The following RORB variants were observed in gnomAD, a reference collection of about 807,000 sequenced individuals.
RORB encodes nuclear receptor ROR-beta.
A neutral mutation model predicts 59.1 loss-of-function variants in RORB; 6 were observed. That is an observed-to-expected ratio of 0.10 (90% confidence interval 0.06 to 0.20). RORB has a LOEUF of 0.20. Ranked by LOEUF, RORB falls within the 10% of genes least tolerant of loss-of-function variation. The pLI, the probability that RORB is intolerant of heterozygous loss-of-function variation, is 1.00. For missense variants in RORB, 320 were observed against 560.5 expected, an observed-to-expected ratio of 0.57 and a Z score of 4.33; for synonymous variants, 215 against 204.5, an observed-to-expected ratio of 1.05 and a Z score of -0.44.
intron 4 of RORB, among the ~76,000 whole-genome samples, chr9:74,651,377 A>C (rs1323549740): frequency 2.0e-5 from 3 of 152,140 alleles, no homozygotes; most frequent in Non-Finnish European, 4.4e-5. Context: ...TCCACTAAAA[A>C]TACAAAAATT....
intron 1 of RORB, among the ~76,000 whole-genome samples, chr9:74,542,199 A>C (rs983990988): frequency 6.6e-6 from 1 of 152,222 alleles, no homozygotes; most frequent in African/African-American, 2.4e-5. Flanking sequence ...TGAAACACAG[A>C]CAGAAAATCT....
intron 4 of RORB, among the ~76,000 whole-genome samples, chr9:74,644,310 A>G (rs1310527825): frequency 1.3e-5 from 2 of 152,250 alleles, no homozygotes; most frequent in African/African-American, 4.8e-5. Flanking sequence ...AAAAAAAGAA[A>G]CATCAACTAA....
intron 1 of RORB, among the ~76,000 whole-genome samples, chr9:74,611,105 G>A (rs753107361): frequency 5.2e-4 from 79 of 152,108 alleles, no homozygotes; most frequent in Non-Finnish European, 5.7e-4. Context: ...TACTAGGGAC[G>A]GTTGTAAGCA....
intron 1 of RORB, among the ~76,000 whole-genome samples, chr9:74,607,190 G>C (rs1314386660): frequency 6.6e-6 from 1 of 152,218 alleles, no homozygotes; most frequent in Non-Finnish European, 1.5e-5. Context: ...TCACATATGG[G>C]CTTCTGAAGG....
chr9:74,611,582 C>T (rs1308996827), intron 1 of RORB, among the ~76,000 whole-genome samples: 2 of 152,280 alleles, frequency 1.3e-5, no homozygotes, highest in Admixed American at 6.5e-5. Flanking sequence ...CCTATATGGT[C>T]CCCCAGTGTT....
At chr9:74,502,200 C>T (rs1322266428) in intron 1 of RORB, among the ~76,000 whole-genome samples, 1 of 152,160 alleles carries the variant, frequency 6.6e-6, no homozygotes, top group East Asian at 1.9e-4. Context: ...TTAAGTGTTT[C>T]CAAGCCATGA....
chr9:74,519,941 T>G (rs1023733847), intron 1 of RORB, among the ~76,000 whole-genome samples: 1 of 151,878 alleles, frequency 6.6e-6, no homozygotes, highest in African/African-American at 2.4e-5. Flanking sequence ...CTTCATTAAC[T>G]ACATATCAAT....
At chr9:74,522,209 A>G (rs1388135240) in intron 1 of RORB, among the ~76,000 whole-genome samples, 1 of 151,742 alleles carries the variant, frequency 6.6e-6, no homozygotes, top group African/African-American at 2.4e-5. Flanking sequence ...TTTGTTTTAC[A>G]TTTTCAGCCC....
chr9:74,659,196 G>A (rs7021908), intron 4 of RORB, among the ~76,000 whole-genome samples: 49,113 of 151,994 alleles, frequency 0.32, 8,784 homozygotes, highest in Non-Finnish European at 0.41. Context: ...AAATTTATTA[G>A]AAGCTTAAGT....
At chr9:74,498,826 C>T (rs1235316667) in intron 1 of RORB, 2 of 157,594 alleles carry the variant, frequency 1.3e-5, no homozygotes, top group Non-Finnish European at 2.8e-5. Context: ...CAGGCGGTGG[C>T]GGCGGCGGCG....
At chr9:74,515,317 C>G (rs973126672) in intron 1 of RORB, among the ~76,000 whole-genome samples, 1 of 151,544 alleles carries the variant, frequency 6.6e-6, no homozygotes, top group Non-Finnish European at 1.5e-5. Flanking sequence ...AGTAACTTGT[C>G]CAAAGTCACA....
intron 1 of RORB, among the ~76,000 whole-genome samples, chr9:74,563,184 C>A (rs76310928): frequency 7.9e-6 from 1 of 127,120 alleles, no homozygotes; most frequent in Non-Finnish European, 1.7e-5. Context: ...TCTCTTCAGT[C>A]TTTTTTTTTT....
chr9:74,498,034 C>A (rs1031631110), intron 1 of RORB, 51 bp downstream of exon 1: 2 of 1,597,784 alleles, frequency 1.3e-6, no homozygotes, highest in Admixed American at 3.4e-5. Context: ...CAACTCCAGC[C>A]AGACGGGGAG....
intron 9 of RORB, among the ~76,000 whole-genome samples, chr9:74,683,763 A>T (rs1479730542): frequency 6.6e-6 from 1 of 152,060 alleles, no homozygotes; most frequent in East Asian, 1.9e-4. Context: ...TCCTCCCGCT[A>T]TTCTTCTTTG....
intron 1 of RORB, among the ~76,000 whole-genome samples, chr9:74,511,306 G>A (rs1825936083): frequency 6.6e-6 from 1 of 151,894 alleles, no homozygotes; most frequent in African/African-American, 2.4e-5. Context: ...CAAAAAATAA[G>A]TAAAATGCAA....
chr9:74,592,647 G>C (rs1464275093), intron 1 of RORB, among the ~76,000 whole-genome samples: 1 of 152,128 alleles, frequency 6.6e-6, no homozygotes, highest in African/African-American at 2.4e-5. Flanking sequence ...AGGAGGTACT[G>C]GGACTCTATC....
At chr9:74,679,875 A>T (rs1587421385) in intron 9 of RORB, among the ~76,000 whole-genome samples, 1 of 152,132 alleles carries the variant, frequency 6.6e-6, no homozygotes, top group South Asian at 2.1e-4. Context: ...AGGCAGGCGG[A>T]TCAGATCATG....
At chr9:74,584,437 G>T (rs907448105) in intron 1 of RORB, among the ~76,000 whole-genome samples, 1 of 152,194 alleles carries the variant, frequency 6.6e-6, no homozygotes, top group Admixed American at 6.5e-5. Context: ...AAGATTAAAT[G>T]AGATAATAGA....
At chr9:74,540,272 C>T (rs535995607) in intron 1 of RORB, among the ~76,000 whole-genome samples, 2 of 152,260 alleles carry the variant, frequency 1.3e-5, no homozygotes, top group South Asian at 2.1e-4. Context: ...TGTGCCCCAA[C>T]CTGCCTCCTC....
Sources: gnomAD v4.1 joint callset for allele counts (sites outside exome capture counted in the v4.1 genomes callset) on GRCh38, gnomAD v4.1.1 for gene constraint, MANE v1.5 for transcripts, NCBI Gene and HGNC (gene_info 2026-07-23, HGNC 2026-07-21) for gene names.